Variants in PLA2G7 observed in about 807,000 individuals in gnomAD.
PLA2G7 encodes phospholipase A2 group VII, also known as platelet-activating factor acetylhydrolase.
Under a neutral mutation model 49.6 loss-of-function variants are expected in PLA2G7, and 63 were observed. The observed-to-expected ratio is 1.27, with a 90% CI of 1.04 to 1.57. The LOEUF is 1.57. Ranked by LOEUF, PLA2G7 falls within the 40% of genes most tolerant of loss-of-function variation. PLA2G7 has a pLI of 0.00. For missense variants in PLA2G7, 596 were observed against 521.2 expected (o/e 1.14, Z -1.40); for synonymous variants, 193 against 169.9 (o/e 1.14, Z -1.06).
intron 1 of PLA2G7, among the ~76,000 whole-genome samples, chr6:46,734,447 A>G (rs868792009): frequency 1.3e-5 from 1 of 77,912 alleles, no homozygotes; most frequent in African/African-American, 8.1e-5. Flanking sequence ...AGAGAGAGAG[A>G]GAGAGAGAGA....
At chr6:46,725,218 G>A (rs747852094) in intron 1 of PLA2G7, among the ~76,000 whole-genome samples, 3 of 151,772 alleles carry the variant, frequency 2.0e-5, no homozygotes, top group Non-Finnish European at 4.4e-5. Context: ...GCTGGTAAAT[G>A]TGTTGCTGGA....
intron 1 of PLA2G7, among the ~76,000 whole-genome samples, chr6:46,731,488 T>G (rs1191331706): frequency 6.6e-6 from 1 of 152,236 alleles, no homozygotes; most frequent in Non-Finnish European, 1.5e-5. Flanking sequence ...AATTTTTATC[T>G]GACCATATTC....
At chr6:46,725,451 T>C (rs1057274849) in intron 1 of PLA2G7, among the ~76,000 whole-genome samples, 94 of 152,160 alleles carry the variant, frequency 6.2e-4, no homozygotes, top group Non-Finnish European at 1.0e-3. Flanking sequence ...AGGATGGTCT[T>C]GATCTCCTGA....
At chr6:46,715,694 C>A (rs1203927556) in intron 4 of PLA2G7, among the ~76,000 whole-genome samples, 2 of 152,142 alleles carry the variant, frequency 1.3e-5, no homozygotes, top group African/African-American at 4.8e-5. Context: ...CAGAGTTATG[C>A]TATTTTCATG....
chr6:46,709,898 G>A (rs1764955492), intron 8 of PLA2G7, among the ~76,000 whole-genome samples: 1 of 152,152 alleles, frequency 6.6e-6, no homozygotes, highest in Non-Finnish European at 1.5e-5. Context: ...AGCGAGCCCA[G>A]TCCAGAAGTG....
chr6:46,710,659 CT>C lies in PLA2G7; in HGVS notation c.664-2del. 1.3e-6 allele frequency: 2 copies of C among 1,592,330 alleles called. No homozygotes were observed. Among genetic ancestry groups the C allele is most frequent in the Non-Finnish European group, 1.7e-6 (2 of 1,160,302 alleles). On this transcript the variant is annotated splice_acceptor_variant, in intron 7 of 11. Coordinates refer to ENST00000274793, the MANE Select transcript of PLA2G7 (RefSeq NM_005084.4). LOFTEE classifies it high-confidence loss of function. ...AACATTCTTTTGCTCTTTGCCGTAC[CT>C]AATATAATTATTAGAAGAAGGAAAT...
Position 46,714,455 on chromosome 6 carries a change from A to G in PLA2G7, c.470+5T>C. 1.3e-6 allele frequency: 2 copies of G among 1,586,338 alleles called. No individual in the cohort carries two copies. The highest frequency in any genetic ancestry group is 2.2e-5 in the East Asian group (1 of 44,742). On this transcript the variant is annotated splice_donor_5th_base_variant and intron_variant, in intron 5 of 11. Coordinates refer to ENST00000274793, the MANE Select transcript of PLA2G7 (RefSeq NM_005084.4). ...GCCAAAATTGTTCAACCTCTCAAAC[A>G]TTACCTGAATGCCCCAAGACCATGA...
chr6:46,709,049 T>A (rs979083871), intron 9 of PLA2G7, among the ~76,000 whole-genome samples: 2 of 152,094 alleles, frequency 1.3e-5, no homozygotes, highest in Non-Finnish European at 2.9e-5. Flanking sequence ...CAAAAAATTA[T>A]ATAAAGATAA....
At chr6:46,708,850 A>C (rs533815605) in intron 9 of PLA2G7, among the ~76,000 whole-genome samples, 46 of 152,218 alleles carry the variant, frequency 3.0e-4, no homozygotes, top group African/African-American at 1.1e-3. Context: ...AGGTTTAAGA[A>C]AGAAAATGTT....
chr6:46,714,333 A>T (rs1467431056), intron 5 of PLA2G7, 127 bp downstream of exon 5: 4 of 763,106 alleles, frequency 5.2e-6, no homozygotes, highest in Non-Finnish European at 9.6e-6. Flanking sequence ...ACAGCCAATT[A>T]TTGAGGAAAC....
At chr6:46,717,173 AAT>A (rs1173367627) in intron 2 of PLA2G7, 77 bp from the exon 3 acceptor site, 3 of 1,325,838 alleles carry the variant, frequency 2.3e-6, no homozygotes, top group Non-Finnish European at 3.3e-6. Context: ...ATTCCAACGG[AAT>A]CAAGTTACTT....
upstream of PLA2G7, chr6:46,735,472 C>G (rs1425978136): frequency 2.0e-5 from 3 of 152,422 alleles, no homozygotes; most frequent in African/African-American, 7.2e-5. Context: ...TGGCCCCGGC[C>G]TCTCACTAGC....
chr6:46,721,339 T>C (rs905876257), intron 2 of PLA2G7, among the ~76,000 whole-genome samples: 3 of 152,086 alleles, frequency 2.0e-5, no homozygotes, highest in African/African-American at 7.2e-5. Context: ...CGAGCCACCA[T>C]GCCCGGCCTG....
chr6:46,711,378 A>T (rs1765013574), intron 7 of PLA2G7, 118 bp downstream of exon 7: 3 of 1,097,634 alleles, frequency 2.7e-6, no homozygotes, highest in Non-Finnish European at 4.2e-6. Flanking sequence ...ATCTTTTGGG[A>T]ATGGGAAATA....
At position 46,711,532 on chromosome 6, in the gene PLA2G7, CA is replaced by C; in HGVS notation, c.626del (p.Leu209ArgfsTer27). ...GDKSWLYLRT[L>X]KQEEETHIRN... The stretch of plus-strand genomic sequence containing the variant: ...GTATATGTGTCTCCTCCTCTTGTTT[CA>C]GGGTTCTAAGGTAGAGCCAAGACTT... On this transcript the variant is annotated frameshift_variant, in exon 7 of 12. Transcript: ENST00000274793. LOFTEE classifies it high-confidence loss of function. 1 of 1,613,746 alleles carries C rather than the reference CA, an allele frequency of 6.2e-7. No homozygotes were observed. Among genetic ancestry groups the C allele is most frequent in the Non-Finnish European group, 8.5e-7 (1 of 1,179,690 alleles).
intron 1 of PLA2G7, among the ~76,000 whole-genome samples, chr6:46,731,884 A>C (rs1765744798): frequency 6.6e-6 from 1 of 152,112 alleles, no homozygotes; most frequent in Non-Finnish European, 1.5e-5. Context: ...AACTCCAAAA[A>C]ATAGCCTACG....
intron 4 of PLA2G7, among the ~76,000 whole-genome samples, chr6:46,715,466 T>C (rs45595542): frequency 0.012 from 1,851 of 152,278 alleles, 31 homozygotes; most frequent in African/African-American, 0.042. Context: ...TTTAATTAGG[T>C]AATATATGTA....
At chr6:46,719,414 T>A (rs1765321662) in intron 2 of PLA2G7, among the ~76,000 whole-genome samples, 2 of 152,184 alleles carry the variant, frequency 1.3e-5, no homozygotes, top group Admixed American at 1.3e-4. Flanking sequence ...AAATGCAGGC[T>A]CCTGGACTTC....
At chr6:46,724,259 C>A (rs1021656799) in intron 1 of PLA2G7, among the ~76,000 whole-genome samples, 4 of 152,192 alleles carry the variant, frequency 2.6e-5, no homozygotes, top group African/African-American at 9.7e-5. Context: ...AGTTGTTTAT[C>A]ACCTTCCACT....
Sources: gnomAD v4.1 joint callset for allele counts (sites outside exome capture counted in the v4.1 genomes callset) on GRCh38, gnomAD v4.1.1 for gene constraint, MANE v1.5 for transcripts, NCBI Gene and HGNC (gene_info 2026-07-23, HGNC 2026-07-21) for gene names.